FARP2: variants seen among roughly 807,000 people sequenced by gnomAD.
The protein encoded by FARP2 is FERM, ARHGEF and pleckstrin domain-containing protein 2.
A neutral mutation model predicts 130.5 loss-of-function variants in FARP2; 111 were observed. The observed-to-expected ratio is 0.85, with a 90% CI of 0.73 to 1.00. The LOEUF is 1.00. FARP2 is among the 50% of genes least tolerant of loss of function. FARP2 has a pLI of 0.00. For missense variants in FARP2, 1,385 were observed against 1,346.3 expected (o/e 1.03, Z -0.45); for synonymous variants, 504 against 516.9 (o/e 0.98, Z 0.34).
At chr2:241,462,683 C>A in intron 15 of FARP2, 71 bp downstream of exon 15, 1 of 1,046,822 alleles carries the variant, frequency 9.6e-7, no homozygotes, top group Non-Finnish European at 1.5e-6. Context: ...AGAAATATCT[C>A]TTTTTTTTCT....
intron 21 of FARP2, among the ~76,000 whole-genome samples, chr2:241,485,103 G>A (rs914058175): frequency 2.0e-5 from 3 of 151,974 alleles, no homozygotes; most frequent in Admixed American, 6.6e-5. Context: ...CCCTCCTTGT[G>A]GTCCTCCCTG....
chr2:241,430,931 C>T (rs181627344), intron 8 of FARP2, among the ~76,000 whole-genome samples: 263 of 151,216 alleles, frequency 1.7e-3, no homozygotes, highest in Non-Finnish European at 3.1e-3. Context: ...ACCCAGGAGG[C>T]GGAGGTTACA....
chr2:241,457,052 C>A (rs1384482999), intron 14 of FARP2, 130 bp downstream of exon 14: 4 of 784,170 alleles, frequency 5.1e-6, no homozygotes, highest in East Asian at 6.1e-5. Flanking sequence ...AGCCGCCTTA[C>A]CAGCCTCCTG....
chr2:241,493,817 G>T, intron 26 of FARP2, 191 bp from the exon 27 acceptor site: 1 of 519,830 alleles, frequency 1.9e-6, no homozygotes. Flanking sequence ...GGCTGGTCTC[G>T]AACTCCTGAC....
intron 8 of FARP2, among the ~76,000 whole-genome samples, chr2:241,422,613 G>C (rs1480579714): frequency 6.6e-6 from 1 of 152,138 alleles, no homozygotes; most frequent in East Asian, 1.9e-4. Context: ...ATGGGCTGGG[G>C]CTGAGGCTGA....
Position 241,482,938 on chromosome 2 carries a change from T to G in FARP2, c.2263-527T>G, listed in dbSNP as rs2064653495. ...CTAATTTGAATACTTAGGAGAACCC[T>G]CCTTTCCTCCTCCCATTCTCGAACC... On this transcript the variant is annotated intron_variant, in intron 19 of 26. Coordinates refer to ENST00000264042, the MANE Select transcript of FARP2 (RefSeq NM_014808.4). The surrounding 1 kb of genome is among the most constrained non-coding windows in gnomAD (Gnocchi z 4.6). Among the ~76,000 whole-genome samples the G allele has an allele frequency of 6.6e-6, 1 of 152,080 alleles. No homozygotes were observed. The highest frequency in any genetic ancestry group is 1.5e-5 in the Non-Finnish European group (1 of 68,014).
At chr2:241,492,163 C>G (rs752332539) in intron 24 of FARP2, among the ~76,000 whole-genome samples, 1 of 152,216 alleles carries the variant, frequency 6.6e-6, no homozygotes, top group Non-Finnish European at 1.5e-5. Context: ...TGCTGTCTTA[C>G]TCCACCCAGA....
At chr2:241,451,577 G>A (rs1295247860) in intron 13 of FARP2, among the ~76,000 whole-genome samples, 2 of 152,076 alleles carry the variant, frequency 1.3e-5, no homozygotes, top group African/African-American at 4.8e-5. Flanking sequence ...TTTTATAAAA[G>A]GGACTCTCGA....
intron 11 of FARP2, among the ~76,000 whole-genome samples, 174 bp downstream of exon 11, chr2:241,435,204 C>T (rs2063194906): frequency 6.6e-6 from 1 of 152,084 alleles, no homozygotes; most frequent in Non-Finnish European, 1.5e-5. Flanking sequence ...AGCAATCCTC[C>T]CACCTCAGCC....
At chr2:241,438,364 G>A (rs989267541) in intron 12 of FARP2, among the ~76,000 whole-genome samples, 5 of 152,052 alleles carry the variant, frequency 3.3e-5, no homozygotes, top group Admixed American at 3.3e-4. Context: ...AGACCAGCCT[G>A]GACAACATAG....
At chr2:241,453,970 GAGAC>G (rs1448613048) in intron 13 of FARP2, among the ~76,000 whole-genome samples, 1 of 151,258 alleles carries the variant, frequency 6.6e-6, no homozygotes, top group Non-Finnish European at 1.5e-5. Flanking sequence ...TTTTTTAGTA[GAGAC>G]AGGGTTTCAC....
chr2:241,375,241 G>A (rs1415847647), intron 2 of FARP2, among the ~76,000 whole-genome samples: 1 of 152,098 alleles, frequency 6.6e-6, no homozygotes, highest in African/African-American at 2.4e-5. Context: ...GTGAGCCACC[G>A]CGCCCAGCCC....
chr2:241,411,111 C>G lies in FARP2; in HGVS notation c.489C>G (p.Leu163=). The G allele has an allele frequency of 6.2e-7, 1 of 1,610,722 alleles. No homozygotes were observed. Among genetic ancestry groups the G allele is most frequent in the Non-Finnish European group, 8.5e-7 (1 of 1,178,020 alleles). Residue 163 remains leucine, a synonymous_variant, in exon 6 of 27, where the codon CTC becomes CTG. Transcript: ENST00000264042. ...GTGCTGACACCACAGCGGCCCTTCT[C>G]ACGTCCCATCTCCTGCAGTGTGAGT... ...LTCADTTAAL[L]TSHLLQSEIG...
At chr2:241,386,597 G>GCTGT (rs1475244244) in intron 2 of FARP2, 2 of 152,300 alleles carry the variant, frequency 1.3e-5, no homozygotes, top group African/African-American at 4.8e-5. Flanking sequence ...GGCATGTGCA[G>GCTGT]CTGTCTCTTC....
intron 13 of FARP2, among the ~76,000 whole-genome samples, chr2:241,453,570 C>A (rs1296275925): frequency 6.6e-6 from 1 of 150,824 alleles, no homozygotes; most frequent in African/African-American, 2.4e-5. Flanking sequence ...TGCAGTGAGC[C>A]GAGATCGTGT....
At chr2:241,491,334 AAG>A (rs964326159) in intron 23 of FARP2, among the ~76,000 whole-genome samples, 155 bp downstream of exon 23, 2 of 152,108 alleles carry the variant, frequency 1.3e-5, no homozygotes, top group African/African-American at 4.8e-5. Flanking sequence ...CCTGGGCGGG[AAG>A]AGGTGTCAAT....
chr2:241,453,432 C>T (rs563150143), intron 13 of FARP2, among the ~76,000 whole-genome samples: 37 of 151,998 alleles, frequency 2.4e-4, no homozygotes, highest in Non-Finnish European at 4.0e-4. Flanking sequence ...ACCATCCTGG[C>T]TAACATGGTG....
At chr2:241,372,895 C>T in intron 1 of FARP2, 189 bp from the exon 2 acceptor site, 1 of 340,774 alleles carries the variant, frequency 2.9e-6, no homozygotes, top group African/African-American at 2.1e-5. Flanking sequence ...TTATTTTATG[C>T]TCCACCTATG....
Position 241,441,304 on chromosome 2 carries a change from A to G in FARP2, c.1159A>G (p.Ser387Gly). Residue 387 changes from serine (S) to glycine (G), a missense_variant and splice_region_variant, in exon 13 of 27, where the codon AGC becomes GGC. Physicochemically the swap from Ser to Gly is moderately conservative, Grantham distance 56 (BLOSUM62 0). Coordinates refer to ENST00000264042, the MANE Select transcript of FARP2 (RefSeq NM_014808.4). ...TTCTTTTCTTAACTTTGGTTCCCAG[A>G]GCATCTCATTCCCCGAGGGATTGAG... is the stretch of plus-strand genomic sequence containing the variant. Reference protein sequence around the residue: ...RALTADLPKQSISFPEGLRTP... With the variant: ...RALTADLPKQGISFPEGLRTP... 6.4e-7 allele frequency: 1 copy of G among 1,574,392 alleles called. No individual in the cohort carries two copies. Among genetic ancestry groups the G allele is most frequent in the Non-Finnish European group, 8.6e-7 (1 of 1,159,320 alleles).
Sources: gnomAD v4.1 joint callset for allele counts (sites outside exome capture counted in the v4.1 genomes callset) on GRCh38, gnomAD v4.1.1 for gene constraint, Gnocchi (gnomAD v3.1) non-coding constraint, MANE v1.5 for transcripts, NCBI Gene and HGNC (gene_info 2026-07-23, HGNC 2026-07-21) for gene names.